The following TFEB variants were observed in gnomAD, a reference collection of about 807,000 sequenced individuals.
TFEB encodes the protein transcription factor EB.
Under a neutral mutation model 48.0 loss-of-function variants are expected in TFEB, and 12 were observed. The ratio of observed to expected loss-of-function variants is 0.25; its 90% CI spans 0.16 to 0.40. The LOEUF (loss-of-function observed/expected upper bound fraction) is 0.40. Among genes scored for constraint, TFEB ranks in the 10% least tolerant of loss-of-function variants. TFEB has a pLI of 1.00. For synonymous variants in TFEB, 244 were observed against 261.4 expected, an observed-to-expected ratio of 0.93 and a Z score of 0.64; for missense variants, 509 against 640.3, an observed-to-expected ratio of 0.79 and a Z score of 2.21.
chr6:41,686,468 T>C, intron 7 of TFEB: 1 of 364,108 alleles, frequency 2.7e-6, no homozygotes, highest in Non-Finnish European at 4.6e-6. Flanking sequence ...CAGAGCAGCC[T>C]CCTTCCCAGA....
Position 41,734,861 on chromosome 6 carries a change from C to G in TFEB, c.-23+489G>C. The stretch of plus-strand genomic sequence containing the variant: ...CGCTCTGGCCCTCCCACTCCCCCCG[C>G]TGGCCTGGCCAGACTCAGCCCCCGC... On this transcript the variant is annotated intron_variant, in intron 1 of 8. Transcript: ENST00000373033. This position sits in a 1 kb window ranked among gnomAD's most constrained non-coding sequence, Gnocchi z 4.0. 1 of 983,576 alleles carries G rather than the reference C, an allele frequency of 1.0e-6. No individual in the cohort carries two copies. Among genetic ancestry groups the G allele is most frequent in the Non-Finnish European group, 1.2e-6 (1 of 828,298 alleles). 60.9% of individuals were successfully genotyped at this position (983,576 alleles called of 1,614,324 possible). A position where few individuals can be genotyped will look rare whatever the true frequency, so the allele number is the denominator to read the frequency against.
chr6:41,693,155 C>A (rs960600738), intron 1 of TFEB, among the ~76,000 whole-genome samples: 3 of 152,096 alleles, frequency 2.0e-5, no homozygotes, highest in Non-Finnish European at 4.4e-5. Context: ...GAGGCCCAGA[C>A]CTCAGGGGAT....
At chr6:41,726,095 C>G (rs1771196420) in intron 1 of TFEB, among the ~76,000 whole-genome samples, 1 of 152,054 alleles carries the variant, frequency 6.6e-6, no homozygotes, top group South Asian at 2.1e-4. Context: ...GGCAACAGAG[C>G]AGACTCCATC....
At chr6:41,706,658 C>T (rs1263389680) in intron 1 of TFEB, among the ~76,000 whole-genome samples, 2 of 152,118 alleles carry the variant, frequency 1.3e-5, no homozygotes, top group African/African-American at 4.8e-5. Flanking sequence ...GGCATTCCCA[C>T]CCCATCTCTG....
chr6:41,692,529 G>A (rs564714261), intron 1 of TFEB, among the ~76,000 whole-genome samples: 1 of 152,336 alleles, frequency 6.6e-6, no homozygotes, highest in South Asian at 2.1e-4. Context: ...AGGTCTCAGT[G>A]GGACAGGTGT....
intron 1 of TFEB, among the ~76,000 whole-genome samples, chr6:41,694,999 C>T (rs1441622728): frequency 6.6e-6 from 1 of 152,202 alleles, no homozygotes; most frequent in African/African-American, 2.4e-5. Flanking sequence ...TGTCCACCCA[C>T]AGCCTCTCAG....
At position 41,734,919 on chromosome 6, in the gene TFEB, A is replaced by G; in HGVS notation, c.-23+431T>C. On this transcript the variant is annotated intron_variant, in intron 1 of 8. Transcript: ENST00000373033. The surrounding 1 kb of genome is among the most constrained non-coding windows in gnomAD (Gnocchi z 4.0). ...CCCTACCTCCGACCCCCTCTCAGGC[A>G]TCGCCGGCCCCAGCCGTGTCCGGTG... 2 of 983,550 alleles carry G rather than the reference A, an allele frequency of 2.0e-6. No homozygotes were observed. The highest frequency in any genetic ancestry group is 2.4e-6 in the Non-Finnish European group (2 of 829,534). 60.9% of individuals were successfully genotyped at this position (983,550 alleles called of 1,614,324 possible). A position where few individuals can be genotyped will look rare whatever the true frequency, so the allele number is the denominator to read the frequency against.
chr6:41,729,876 C>T (rs1581939702), intron 1 of TFEB, among the ~76,000 whole-genome samples: 1 of 152,216 alleles, frequency 6.6e-6, no homozygotes, highest in East Asian at 1.9e-4. Context: ...AGAAGGACGG[C>T]TCTCACCTGG....
At chr6:41,698,709 A>C (rs1042069589) in intron 1 of TFEB, among the ~76,000 whole-genome samples, 4 of 152,090 alleles carry the variant, frequency 2.6e-5, no homozygotes, top group African/African-American at 7.2e-5. Context: ...TGACCGCTAA[A>C]CAAAAGCTTC....
At chr6:41,700,231 C>G (rs1414231047) in intron 1 of TFEB, among the ~76,000 whole-genome samples, 1 of 151,982 alleles carries the variant, frequency 6.6e-6, no homozygotes, top group East Asian at 1.9e-4. Context: ...CTTTGGGAGG[C>G]TGAGGCGGGC....
chr6:41,717,979 C>T (rs1581923820), intron 1 of TFEB, among the ~76,000 whole-genome samples: 1 of 152,100 alleles, frequency 6.6e-6, no homozygotes, highest in East Asian at 1.9e-4. Context: ...AGATGTACAA[C>T]AAAAATTAGC....
chr6:41,735,403 T>G lies in TFEB; in HGVS notation c.-76A>C. Reference sequence around the variant, plus strand: ...CCCGCGCCCCGCGGCTCCGGCAACTTGTCGCAAGTTCGGGTGCCTGGCCCG... The same window carrying G: ...CCCGCGCCCCGCGGCTCCGGCAACTGGTCGCAAGTTCGGGTGCCTGGCCCG... On this transcript the variant is annotated 5_prime_UTR_variant, in exon 1 of 9. Coordinates refer to ENST00000373033, the MANE Select transcript of TFEB (RefSeq NM_001271944.2). 1.0e-6 allele frequency: 1 copy of G among 985,674 alleles called. No homozygotes were observed. 61.1% of individuals were successfully genotyped at this position (985,674 alleles called of 1,614,324 possible). A position where few individuals can be genotyped will look rare whatever the true frequency, so the allele number is the denominator to read the frequency against.
chr6:41,688,838 C>A (rs934306587), intron 4 of TFEB, among the ~76,000 whole-genome samples: 1 of 152,178 alleles, frequency 6.6e-6, no homozygotes, highest in African/African-American at 2.4e-5. Flanking sequence ...AGGATTGACT[C>A]CCCACCACAG....
chr6:41,735,727 T>C, upstream of TFEB: 1 of 266,444 alleles, frequency 3.8e-6, no homozygotes, highest in Non-Finnish European at 5.9e-6. Context: ...CGCCGGGATT[T>C]GTAGTCCCGC....
chr6:41,703,702 G>A (rs1333580019), intron 1 of TFEB, among the ~76,000 whole-genome samples: 1 of 152,216 alleles, frequency 6.6e-6, no homozygotes, highest in Non-Finnish European at 1.5e-5. Context: ...ACAGAAGGTG[G>A]CCTGTTTTCT....
chr6:41,729,760 G>C (rs1024040201), intron 1 of TFEB, among the ~76,000 whole-genome samples: 1 of 152,208 alleles, frequency 6.6e-6, no homozygotes, highest in African/African-American at 2.4e-5. Flanking sequence ...AGGACTGACT[G>C]TAGAGGGGAC....
At position 41,687,749 on chromosome 6, in the gene TFEB, T is replaced by A; in HGVS notation, c.727+4A>T. The A allele has an allele frequency of 1.2e-6, 2 of 1,614,008 alleles. No individual in the cohort carries two copies. Among genetic ancestry groups the A allele is most frequent in the Non-Finnish European group, 1.7e-6 (2 of 1,179,956 alleles). On this transcript the variant is annotated splice_donor_region_variant and intron_variant, in intron 6 of 8. Coordinates refer to ENST00000373033, the MANE Select transcript of TFEB (RefSeq NM_001271944.2). Reference sequence around the variant, plus strand: ...GGCAGGGAGAGGGGCGGGGCAGGACTCACTTAAGTTGTGATTGTCTTTCTT... The same window carrying A: ...GGCAGGGAGAGGGGCGGGGCAGGACACACTTAAGTTGTGATTGTCTTTCTT...
At chr6:41,710,868 C>A (rs762271309) in intron 1 of TFEB, among the ~76,000 whole-genome samples, 1 of 152,208 alleles carries the variant, frequency 6.6e-6, no homozygotes, top group Non-Finnish European at 1.5e-5. Context: ...CCCGACAGCA[C>A]ACCCTGACTT....
chr6:41,686,307 G>A, intron 7 of TFEB, 70 bp from the exon 8 acceptor site: 1 of 1,585,994 alleles, frequency 6.3e-7, no homozygotes, highest in Non-Finnish European at 8.6e-7. Flanking sequence ...CTACTGCTCT[G>A]GTTGCAGAGC....
Sources: allele counts gnomAD v4.1 joint callset (sites outside exome capture counted in the v4.1 genomes callset), GRCh38; gene constraint gnomAD v4.1.1; non-coding constraint Gnocchi (gnomAD v3.1); transcripts MANE v1.5; gene names NCBI Gene and HGNC (gene_info 2026-07-23, HGNC 2026-07-21).